The following ZNF540 variants were observed in gnomAD, a reference collection of about 807,000 sequenced individuals.
The protein encoded by ZNF540 is CTD-3064H18.6.
In ZNF540, 3 loss-of-function variants were observed where a neutral mutation model predicts 11.8. That is an observed-to-expected ratio of 0.25 (90% CI 0.12 to 0.65). The LOEUF is 0.65. Ranked by LOEUF, ZNF540 falls within the 30% of genes least tolerant of loss-of-function variation. The pLI is 0.83. For missense variants in ZNF540, 709 were observed against 793.1 expected (o/e 0.89, Z 1.27); for synonymous variants, 247 against 259.0 (o/e 0.95, Z 0.45).
Position 37,554,812 on chromosome 19 carries a change from G to A in ZNF540, c.-73+3147G>A, listed in dbSNP as rs575922629. The A allele has an allele frequency of 2.0e-5, 3 of 152,086 alleles. 1 individual carries two copies. The highest frequency in any genetic ancestry group is 4.2e-4 in the South Asian group (2 of 4,808). 9.4% of individuals were successfully genotyped at this position (152,086 alleles called of 1,614,324 possible). On this transcript the variant is annotated intron_variant, in intron 1 of 4. Coordinates refer to the ZNF540 transcript ENST00000592533. The stretch of plus-strand genomic sequence containing the variant: ...ATTAAGAGTCCATTTATTAGCTGGC[G>A]ACCGAGAGACGGCTAACGCTCAAAA...
intron 1 of ZNF540, among the ~76,000 whole-genome samples, chr19:37,561,407 C>T (rs1273828561): frequency 6.6e-6 from 1 of 152,154 alleles, no homozygotes; most frequent in Admixed American, 6.6e-5. Flanking sequence ...TTAAAATTTC[C>T]CCTTACCATC....
At chr19:37,564,897 A>G in intron 1 of ZNF540, 1 of 1,614,080 alleles carries the variant, frequency 6.2e-7, no homozygotes, top group Non-Finnish European at 8.5e-7. Context: ...CCATAAATAA[A>G]GGCCTTGTCA....
chr19:37,606,282 T>A (rs548646880), intron 4 of ZNF540, among the ~76,000 whole-genome samples: 1 of 152,362 alleles, frequency 6.6e-6, no homozygotes, highest in South Asian at 2.1e-4. Context: ...CTGAATATGT[T>A]CTGTTGTAGG....
intron 4 of ZNF540, among the ~76,000 whole-genome samples, chr19:37,604,295 A>G (rs1169049759): frequency 2.9e-4 from 10 of 33,912 alleles, no homozygotes; most frequent in African/African-American, 1.2e-3. Context: ...AAATAGCCTT[A>G]CTTTTTTTTT....
chr19:37,599,338 T>TAATTG (rs1352150876), intron 2 of ZNF540, among the ~76,000 whole-genome samples: 1 of 152,220 alleles, frequency 6.6e-6, no homozygotes. Flanking sequence ...ATCCACTGTT[T>TAATTG]AATTGAATTG....
intron 1 of ZNF540, among the ~76,000 whole-genome samples, chr19:37,559,936 C>T (rs1466256522): frequency 1.3e-5 from 2 of 152,106 alleles, no homozygotes; most frequent in South Asian, 2.1e-4. Context: ...AAAATAAACA[C>T]GAAAGTTTTA....
At chr19:37,583,211 C>T (rs1332112135) in intron 1 of ZNF540, among the ~76,000 whole-genome samples, 2 of 152,186 alleles carry the variant, frequency 1.3e-5, no homozygotes, top group African/African-American at 4.8e-5. Flanking sequence ...GCTATCATTC[C>T]TGGTCCTCCT....
intron 1 of ZNF540, chr19:37,562,756 T>C (rs776186782): frequency 1.4e-4 from 21 of 152,248 alleles, no homozygotes; most frequent in Non-Finnish European, 2.6e-4. Context: ...ATTACATTTA[T>C]TGTCACTATA....
At chr19:37,554,104 G>A (rs1257213456) in intron 1 of ZNF540, among the ~76,000 whole-genome samples, 2 of 152,194 alleles carry the variant, frequency 1.3e-5, no homozygotes, top group African/African-American at 2.4e-5. Context: ...CCCACATAGT[G>A]AGCATAGTAG....
At chr19:37,588,661 A>G (rs533139989) in intron 1 of ZNF540, among the ~76,000 whole-genome samples, 55 of 152,304 alleles carry the variant, frequency 3.6e-4, no homozygotes, top group African/African-American at 1.3e-3. Context: ...GCATCACACA[A>G]TATGCCATAT....
rs577468580 is a variant in ZNF540 at position 37,561,550 on chromosome 19, C to T, written c.-73+9885C>T. Among the ~76,000 whole-genome samples, 38 of 152,300 alleles carry T rather than the reference C, an allele frequency of 2.5e-4. No homozygotes were observed. In the East Asian group the frequency reaches 2.5e-3, roughly 10 times the overall value. The stretch of plus-strand genomic sequence containing the variant: ...TAAACAAAAGATAGTATTTTCTTTA[C>T]TGCAGGTCTTCTCAACCTTTTAATT... On this transcript the variant is annotated intron_variant, in intron 1 of 4. Transcript: ENST00000592533.
chr19:37,588,751 A>T (rs2043770456), intron 1 of ZNF540, among the ~76,000 whole-genome samples: 1 of 152,216 alleles, frequency 6.6e-6, no homozygotes, highest in African/African-American at 2.4e-5. Context: ...CTGCATATGA[A>T]TAGAAAGAAA....
chr19:37,586,696 A>G lies in ZNF540; in HGVS notation c.-72-11680A>G, dbSNP rs529637970. The G allele has an allele frequency of 7.6e-5, 123 of 1,613,968 alleles. 1 individual carries two copies. The highest frequency in any genetic ancestry group is 7.6e-4 in the South Asian group (69 of 91,052). Reference sequence around the variant, plus strand: ...GGGCATGGTTTTTTAGAACTGATCAATTTTCTGGGTTCTTCTCCTGGAGGT... The same window carrying G: ...GGGCATGGTTTTTTAGAACTGATCAGTTTTCTGGGTTCTTCTCCTGGAGGT... On this transcript the variant is annotated intron_variant, in intron 1 of 4. Transcript: ENST00000592533.
intron 4 of ZNF540, 149 bp from the exon 5 acceptor site, chr19:37,611,364 C>A (rs903174389): frequency 1.8e-5 from 11 of 622,202 alleles, no homozygotes; most frequent in African/African-American, 1.1e-4. Flanking sequence ...TGCCTAATTT[C>A]AAATTATATA....
intron 1 of ZNF540, chr19:37,566,265 T>A (rs1386995560): frequency 6.8e-6 from 11 of 1,612,476 alleles, no homozygotes; most frequent in Non-Finnish European, 9.3e-6. Flanking sequence ...GGAGATAACT[T>A]TTTGGTCACA....
chr19:37,567,163 C>A (rs1473674657), intron 1 of ZNF540, among the ~76,000 whole-genome samples: 2 of 152,194 alleles, frequency 1.3e-5, no homozygotes, highest in African/African-American at 4.8e-5. Context: ...ACCTATATTG[C>A]ATTTTTCACT....
In ZNF540 at chr19:37,565,056, G is replaced by A. The variant is rs61731966; in HGVS notation, c.-73+13391G>A. On this transcript the variant is annotated intron_variant, in intron 1 of 4. Transcript: ENST00000592533. ...TCATGTTGAGTAAGATATGCAACACGAATAAAGGCCTTTCCACATTCCTTA... is the reference window on the plus strand; with the variant it reads ...TCATGTTGAGTAAGATATGCAACACAAATAAAGGCCTTTCCACATTCCTTA... 299 of 1,613,438 alleles carry A rather than the reference G, an allele frequency of 1.9e-4. No homozygotes were observed. The highest frequency in any genetic ancestry group is 6.6e-4 in the Middle Eastern group (4 of 6,060).
intron 4 of ZNF540, among the ~76,000 whole-genome samples, chr19:37,607,888 G>A (rs62108261): frequency 0.03 from 4,632 of 152,292 alleles, 110 homozygotes; most frequent in Non-Finnish European, 0.05. Flanking sequence ...CTGACAAAAT[G>A]TTCTCCAAAG....
intron 1 of ZNF540, chr19:37,565,208 A>G: frequency 6.2e-7 from 1 of 1,612,940 alleles, no homozygotes; most frequent in South Asian, 1.1e-5. Flanking sequence ...TTGATGTTGA[A>G]TAAGATTAGA....
Sources: gnomAD v4.1 joint callset for allele counts (sites outside exome capture counted in the v4.1 genomes callset) on GRCh38, gnomAD v4.1.1 for gene constraint, MANE v1.5 for transcripts, NCBI Gene and HGNC (gene_info 2026-07-23, HGNC 2026-07-21) for gene names.